Variants in HDAC7 observed in about 807,000 individuals in gnomAD.
HDAC7 encodes histone deacetylase 7, also known as histone deacetylase 7A.
In HDAC7, 26 loss-of-function variants were observed where a neutral mutation model predicts 115.5. The ratio of observed to expected loss-of-function variants is 0.23; its 90% confidence interval spans 0.16 to 0.31. The LOEUF is 0.31. Ranked by LOEUF, HDAC7 falls within the 10% of genes least tolerant of loss-of-function variation. HDAC7 has a pLI of 1.00. For missense variants in HDAC7, 1,068 were observed against 1,329.0 expected (o/e 0.80, Z 3.05); for synonymous variants, 564 against 550.9 (o/e 1.02, Z -0.33).
chr12:47,819,533 C>T (rs557097042), intron 1 of HDAC7, among the ~76,000 whole-genome samples: 40 of 152,086 alleles, frequency 2.6e-4, no homozygotes, highest in African/African-American at 9.1e-4. Flanking sequence ...CCGCGGGAGG[C>T]CCGAGCCCTC....
intron 13 of HDAC7, 23 bp from the exon 14 acceptor site, chr12:47,792,027 G>C (rs200341346): frequency 1.9e-6 from 3 of 1,584,384 alleles, no homozygotes; most frequent in Admixed American, 1.7e-5. Flanking sequence ...GGGTCAGAGC[G>C]GGGACCCAGG....
chr12:47,788,355 C>G (rs1364083792), intron 19 of HDAC7, 191 bp from the exon 20 acceptor site: 1 of 542,202 alleles, frequency 1.8e-6, no homozygotes, highest in African/African-American at 1.9e-5. Flanking sequence ...CTCGGCCTCT[C>G]TGTGCTGGAC....
Position 47,793,314 on chromosome 12 carries a change from TG to T in HDAC7, c.1678+54del. The T allele has an allele frequency of 7.5e-7, 1 of 1,328,310 alleles. No individual in the cohort carries two copies. Among genetic ancestry groups the T allele is most frequent in the Non-Finnish European group, 1.0e-6 (1 of 984,052 alleles). 82.3% of individuals were successfully genotyped at this position (1,328,310 alleles called of 1,614,324 possible). ...CCCAAGTGACACCAAGACACCCACA[TG>T]GACTCGTGCAGCCGAGCCCCTCCCT... On this transcript the variant is annotated intron_variant, in intron 13 of 25. Coordinates refer to ENST00000080059, the MANE Select transcript of HDAC7 (RefSeq NM_015401.5). The surrounding 1 kb of genome is among the most constrained non-coding windows in gnomAD (Gnocchi z 4.5).
chr12:47,814,162 ACT>A (rs1395515462), intron 1 of HDAC7, among the ~76,000 whole-genome samples: 1 of 151,782 alleles, frequency 6.6e-6, no homozygotes, highest in East Asian at 1.9e-4. Flanking sequence ...CCCAGGAGAG[ACT>A]CTGGAGAGCC....
chr12:47,798,902 C>A lies in HDAC7; in HGVS notation c.141G>T (p.Arg47=). 9 of 1,534,932 alleles carry A rather than the reference C, an allele frequency of 5.9e-6. No individual in the cohort carries two copies. The highest frequency in any genetic ancestry group is 7.9e-6 in the Non-Finnish European group (9 of 1,145,218). ...GCTCTGGTGGGGGCTCCACTGGGGG[C>A]CGCTGGCCCACCCGCAGGTCCATGG... is the stretch of plus-strand genomic sequence containing the variant. ...PQPMDLRVGQ[R]PPVEPPPEPT... Residue 47 remains arginine (R), a synonymous_variant, in exon 3 of 26, where the codon CGG becomes CGT. Transcript: ENST00000080059. The surrounding 1 kb of genome is among the most constrained non-coding windows in gnomAD (Gnocchi z 4.3).
intron 1 of HDAC7, among the ~76,000 whole-genome samples, chr12:47,818,566 T>C (rs1204734221): frequency 2.0e-5 from 3 of 152,196 alleles, no homozygotes; most frequent in Non-Finnish European, 4.4e-5. Context: ...GCCAGCCCTA[T>C]AGCTGAATAG....
chr12:47,804,629 C>G (rs2137022895), intron 1 of HDAC7, among the ~76,000 whole-genome samples: 1 of 152,156 alleles, frequency 6.6e-6, no homozygotes, highest in South Asian at 2.1e-4. Flanking sequence ...GGAATCCTGG[C>G]TACTCCCCTT....
At position 47,795,990 on chromosome 12, in the gene HDAC7, C is replaced by T. The variant is rs1274494075; in HGVS notation, c.822G>A (p.Leu274=). The change falls in exon 9 of 26, where the codon CTG becomes CTA. Residue 274 remains leucine, a synonymous_variant. Coordinates refer to ENST00000080059, the MANE Select transcript of HDAC7 (RefSeq NM_015401.5). The surrounding 1 kb of genome is among the most constrained non-coding windows in gnomAD (Gnocchi z 4.3). ...SEALLGQRLR[L]QETSVAPFAL... is the part of the protein sequence containing the mutation. ...CGAACGGGGCCACAGAAGTCTCCTG[C>T]AGCCGCAGCCGCTGGCCCAAGAGCG... 6.5e-7 allele frequency: 1 copy of T among 1,549,402 alleles called. No homozygotes were observed. The highest frequency in any genetic ancestry group is 8.7e-7 in the Non-Finnish European group (1 of 1,146,920).
intron 2 of HDAC7, among the ~76,000 whole-genome samples, chr12:47,801,942 C>T (rs1198611592): frequency 2.6e-5 from 4 of 152,202 alleles, no homozygotes; most frequent in Non-Finnish European, 1.5e-5. Context: ...TAAATATTAG[C>T]TTCTTACTTT....
chr12:47,797,024 G>A lies in HDAC7; in HGVS notation c.696C>T (p.Thr232=), dbSNP rs146194878. The A allele has an allele frequency of 7.0e-5, 109 of 1,560,940 alleles. No individual in the cohort carries two copies. The highest frequency in any genetic ancestry group is 9.1e-5 in the Non-Finnish European group (105 of 1,157,612). ...GGCTCAGCCGGCCCTCACCTCCGAGGGTCTCTGCGGGCCGCCGCCGGAGGC... is the reference window on the plus strand; with the variant it reads ...GGCTCAGCCGGCCCTCACCTCCGAGAGTCTCTGCGGGCCGCCGCCGGAGGC... ...PPSLRRRPAE[T]LGDSSPSSSS... Residue 232 remains threonine (T), a synonymous_variant, in exon 7 of 26, where the codon ACC becomes ACT. Transcript: ENST00000080059. This position sits in a 1 kb window ranked among gnomAD's most constrained non-coding sequence, Gnocchi z 5.5.
intron 1 of HDAC7, among the ~76,000 whole-genome samples, chr12:47,807,646 A>C (rs1944460595): frequency 6.6e-6 from 1 of 152,162 alleles, no homozygotes; most frequent in African/African-American, 2.4e-5. Context: ...ATGGAAAAAA[A>C]AAATCACACA....
Position 47,782,872 on chromosome 12 carries a change from TCA to T in HDAC7, c.*967_*968del, listed in dbSNP as rs57423868. ...ACACACGCTCACACACACGCCTCAC[TCA>T]CACACATGCTCACACACATTTTCCT... is the stretch of plus-strand genomic sequence containing the variant. On this transcript the variant is annotated 3_prime_UTR_variant, in exon 26 of 26. Coordinates refer to ENST00000080059, the MANE Select transcript of HDAC7 (RefSeq NM_015401.5). 0.13 allele frequency: 19,347 copies of T among 152,870 alleles called. 1,619 individuals carry two copies. The highest frequency in any genetic ancestry group is 0.19 in the Non-Finnish European group (12,735 of 68,016). The allele number at this position is 152,870 out of a possible 1,614,324, so 9.5% of individuals were successfully genotyped here. A position where few individuals can be genotyped will look rare whatever the true frequency, so the allele number is the denominator to read the frequency against.
At position 47,797,600 on chromosome 12, in the gene HDAC7, C is replaced by T; in HGVS notation, c.462-101G>A. ...GACCTGAGGGGGAGGCTGCAGCGGG[C>T]AGGGCTGGGCAATGTGGGGCTGGTA... On this transcript the variant is annotated intron_variant, in intron 5 of 25. Transcript: ENST00000080059. This position sits in a 1 kb window ranked among gnomAD's most constrained non-coding sequence, Gnocchi z 5.5. 2.4e-6 allele frequency: 2 copies of T among 828,132 alleles called. No homozygotes were observed. The highest frequency in any genetic ancestry group is 3.8e-6 in the Non-Finnish European group (2 of 527,284). The allele number at this position is 828,132 out of a possible 1,614,324, so 51.3% of individuals were successfully genotyped here. A position where few individuals can be genotyped will look rare whatever the true frequency, so the allele number is the denominator to read the frequency against.
Position 47,793,560 on chromosome 12 carries a change from G to T in HDAC7, c.1487C>A (p.Ala496Asp). 1.3e-6 allele frequency: 2 copies of T among 1,545,174 alleles called. No homozygotes were observed. The highest frequency in any genetic ancestry group is 1.7e-6 in the Non-Finnish European group (2 of 1,145,130). ...GGTGCTGCCCCGGGGGAGCCGCCCA[G>T]CCAGTCGCTGCTGTTCCCAGAGCAA... ...QVLLWEQQRL[A>D]GRLPRGSTGD... is the part of the protein sequence containing the mutation. Residue 496 changes from alanine to aspartate, a missense_variant, in exon 13 of 26, where the codon GCT becomes GAT. Physicochemically the swap from Ala to Asp is moderately radical, Grantham distance 126. Around this residue, in one of 6 missense-constraint regions of HDAC7, gnomAD observed 618 missense variants for 701.5 expected, o/e 0.88. Transcript: ENST00000080059. The surrounding 1 kb of genome is among the most constrained non-coding windows in gnomAD (Gnocchi z 4.5).
In HDAC7 at chr12:47,795,176, C is replaced by G. The variant is rs376291851; in HGVS notation, c.1284+8G>C. ...CCCTCAATACCTCCACTGCCCAATT[C>G]CTCTCACCTTGATCACCTGGACGTG... On this transcript the variant is annotated splice_region_variant and intron_variant, in intron 11 of 25. Transcript: ENST00000080059. The surrounding 1 kb of genome is among the most constrained non-coding windows in gnomAD (Gnocchi z 4.3). 2 of 1,609,348 alleles carry G rather than the reference C, an allele frequency of 1.2e-6. No individual in the cohort carries two copies. Among genetic ancestry groups the G allele is most frequent in the Non-Finnish European group, 1.7e-6 (2 of 1,176,846 alleles).
rs1407372782 is a variant in HDAC7, at chr12:47,795,766, G to C, written c.908C>G (p.Ala303Gly). 3 of 1,531,112 alleles carry C rather than the reference G, an allele frequency of 2.0e-6. No homozygotes were observed. In the South Asian group the frequency reaches 3.7e-5, roughly 19 times the overall value. The allele number at this position is 1,531,112 out of a possible 1,614,324, so 94.8% of individuals were successfully genotyped here. The change falls in exon 10 of 26, where the codon GCT becomes GGT. Residue 303 changes from alanine to glycine, a missense_variant and splice_region_variant. Physicochemically the swap from Ala to Gly is moderately conservative, Grantham distance 60 (BLOSUM62 0). This residue lies in a region of HDAC7 where 618 missense variants were observed against 701.5 expected (regional missense o/e 0.88). Coordinates refer to ENST00000080059, the MANE Select transcript of HDAC7 (RefSeq NM_015401.5). The surrounding 1 kb of genome is among the most constrained non-coding windows in gnomAD (Gnocchi z 4.3). ...CGGATGGGTCCTGCGGTCACTGTCA[G>C]CCTGGGGGAGAGGCGGGAGAAGTCA... ...ITLGLPAPARADSDRRTHPTL... is the reference protein window; with the variant it reads ...ITLGLPAPARGDSDRRTHPTL...
Position 47,803,173 on chromosome 12 carries a change from C to T in HDAC7, c.20-899G>A, listed in dbSNP as rs1419774766. Among the ~76,000 whole-genome samples the T allele has an allele frequency of 1.3e-5, 2 of 152,140 alleles. No homozygotes were observed. Among genetic ancestry groups the T allele is most frequent in the Non-Finnish European group, 2.9e-5 (2 of 68,016 alleles). On this transcript the variant is annotated intron_variant, in intron 1 of 25. Transcript: ENST00000080059. This position sits in a 1 kb window ranked among gnomAD's most constrained non-coding sequence, Gnocchi z 4.0. ...GAGATGAGTCCTGAGGCCACCTGTC[C>T]AGGACAGACACCTTTCCCTCTTGCT...
At chr12:47,816,964 G>T (rs368408924) in intron 1 of HDAC7, among the ~76,000 whole-genome samples, 5 of 152,300 alleles carry the variant, frequency 3.3e-5, no homozygotes, top group East Asian at 1.9e-4. Context: ...TGATCCTAGG[G>T]AGCCAAAAGG....
chr12:47,785,434 G>A lies in HDAC7; in HGVS notation c.2744C>T (p.Pro915Leu). 3.1e-6 allele frequency: 5 copies of A among 1,613,180 alleles called. No individual in the cohort carries two copies. Among genetic ancestry groups the A allele is most frequent in the Non-Finnish European group, 4.2e-6 (5 of 1,179,670 alleles). The change falls in exon 24 of 26, where the codon CCC (proline) becomes CTC (leucine). Residue 915 changes from proline to leucine, a missense_variant. Around this residue, in one of 6 missense-constraint regions of HDAC7, gnomAD observed 98 missense variants for 123.9 expected, o/e 0.79. Transcript: ENST00000080059. ...CAGAGAGCGGATGGCATTGAGGTTG[G>A]GTTTCTGTTTCCAGCCTTCTTCTGA... ...PLSEEGWKQK[P>L]NLNAIRSLEA... is the part of the protein sequence containing the mutation.
Sources: allele counts gnomAD v4.1 joint callset (sites outside exome capture counted in the v4.1 genomes callset), GRCh38; gene constraint gnomAD v4.1.1; regional missense constraint gnomAD v4.1.1; non-coding constraint Gnocchi (gnomAD v3.1); transcripts MANE v1.5; gene names NCBI Gene and HGNC (gene_info 2026-07-23, HGNC 2026-07-21).